ZNF678: variants seen among roughly 807,000 people sequenced by gnomAD.
The protein encoded by ZNF678 is zinc finger protein 678.
ZNF678 carries 5 observed loss-of-function variants against 3.0 expected under a neutral mutation model. That is an observed-to-expected ratio of 1.69 (90% CI 0.88 to 3.56). The LOEUF is 3.56. ZNF678 is among the 30% of genes most tolerant of loss of function. ZNF678 has a pLI of 0.00. For synonymous variants in ZNF678, 218 were observed against 199.6 expected (o/e 1.09, Z -0.78); for missense variants, 593 against 605.0 (o/e 0.98, Z 0.21).
chr1:227,563,786 G>A (rs902658548), intron 1 of ZNF678, 62 bp downstream of exon 1: 2 of 1,295,522 alleles, frequency 1.5e-6, no homozygotes, highest in Non-Finnish European at 2.0e-6. Flanking sequence ...CAGCACTAGA[G>A]TCCGCGGCCC....
At chr1:227,678,565 T>C (rs1041891527), downstream of ZNF678, among the ~76,000 whole-genome samples, 2 of 152,180 alleles carry the variant, frequency 1.3e-5, no homozygotes, top group Admixed American at 6.5e-5. Context: ...CAGCTCTCCA[T>C]ACACCCCGGG....
At chr1:227,617,906 T>G (rs1350561609) in intron 1 of ZNF678, among the ~76,000 whole-genome samples, 3 of 152,170 alleles carry the variant, frequency 2.0e-5, no homozygotes. Flanking sequence ...AGCGTCTCTC[T>G]CCAGCCACCC....
chr1:227,629,401 A>C (rs12119889), intron 1 of ZNF678, among the ~76,000 whole-genome samples: 33,539 of 152,230 alleles, frequency 0.22, 4,143 homozygotes, highest in African/African-American at 0.33. Context: ...TCTCCCTAAC[A>C]AAGGAGTGGG....
At chr1:227,609,744 T>C (rs1202976846) in intron 1 of ZNF678, among the ~76,000 whole-genome samples, 1 of 152,146 alleles carries the variant, frequency 6.6e-6, no homozygotes, top group South Asian at 2.1e-4. Context: ...TTTTTTTTTT[T>C]TCTCTTTGAG....
chr1:227,602,585 G>A (rs1657762646), intron 1 of ZNF678, among the ~76,000 whole-genome samples: 1 of 152,128 alleles, frequency 6.6e-6, no homozygotes, highest in Admixed American at 6.6e-5. Flanking sequence ...TGTGTAAATT[G>A]TTGAAATAAT....
At chr1:227,662,581 A>G (rs1172986657), downstream of ZNF678, 1 of 152,192 alleles carries the variant, frequency 6.6e-6, no homozygotes, top group Non-Finnish European at 1.5e-5. Context: ...TGACGCAGGG[A>G]AGAGAAACCC....
At chr1:227,581,756 A>AT (rs1410775221) in intron 1 of ZNF678, among the ~76,000 whole-genome samples, 1 of 152,218 alleles carries the variant, frequency 6.6e-6, no homozygotes, top group African/African-American at 2.4e-5. Flanking sequence ...AGGTAGTCAC[A>AT]TTGCTGTATG....
intron 1 of ZNF678, among the ~76,000 whole-genome samples, chr1:227,615,059 C>T (rs10799429): frequency 0.2 from 29,732 of 152,170 alleles, 3,078 homozygotes; most frequent in East Asian, 0.25. Context: ...AAAACAGAAA[C>T]GGAACTATAG....
intron 1 of ZNF678, among the ~76,000 whole-genome samples, chr1:227,591,758 C>T (rs1253612209): frequency 6.6e-6 from 1 of 152,092 alleles, no homozygotes; most frequent in African/African-American, 2.4e-5. Flanking sequence ...TTTAGAGTTC[C>T]AGTACACTTA....
chr1:227,641,242 A>G (rs943602736), intron 1 of ZNF678, among the ~76,000 whole-genome samples: 6 of 152,168 alleles, frequency 3.9e-5, no homozygotes, highest in African/African-American at 1.4e-4. Context: ...AGGTTCTTGT[A>G]TTGGTTCAAA....
In ZNF678 at chr1:227,654,313, CTTTTTA is replaced by C. The variant is rs1659158633; in HGVS notation, c.86-13_86-8del. On this transcript the variant is annotated splice_polypyrimidine_tract_variant and intron_variant, in intron 3 of 3. Transcript: ENST00000343776. ...TACTGGAGATTAGTAAGAAGAATAA[CTTTTTA>C]TTTTTATTTCTTTCAGCTATTTTAT... 2 of 1,479,792 alleles carry C rather than the reference CTTTTTA, an allele frequency of 1.4e-6. No homozygotes were observed. The highest frequency in any genetic ancestry group is 3.0e-5 in the South Asian group (2 of 65,908). 91.7% of individuals were successfully genotyped at this position (1,479,792 alleles called of 1,614,324 possible).
intron 1 of ZNF678, among the ~76,000 whole-genome samples, chr1:227,639,086 GCGGT>G (rs1423496040): frequency 6.6e-6 from 1 of 152,074 alleles, no homozygotes; most frequent in Non-Finnish European, 1.5e-5. Context: ...AGGGATGGGG[GCGGT>G]CCTTGCTGGG....
At chr1:227,609,220 C>G (rs1009701604) in intron 1 of ZNF678, among the ~76,000 whole-genome samples, 1 of 149,698 alleles carries the variant, frequency 6.7e-6, no homozygotes, top group African/African-American at 2.5e-5. Flanking sequence ...AATGCACAGT[C>G]AAAACATTAA....
intron 1 of ZNF678, among the ~76,000 whole-genome samples, chr1:227,579,625 T>C (rs1239410748): frequency 6.6e-6 from 1 of 152,100 alleles, no homozygotes; most frequent in African/African-American, 2.4e-5. Context: ...TGCATGGTCA[T>C]AGGGGTCATC....
intron 1 of ZNF678, among the ~76,000 whole-genome samples, chr1:227,635,662 C>T (rs1475541947): frequency 6.6e-6 from 1 of 151,974 alleles, no homozygotes; most frequent in Non-Finnish European, 1.5e-5. Flanking sequence ...TTTATGGTCT[C>T]CTGCAAGCTG....
Position 227,660,091 on chromosome 1 carries a change from A to C in ZNF678, c.*4263A>C, listed in dbSNP as rs1183848735. The C allele has an allele frequency of 6.6e-6, 1 of 152,036 alleles. No individual in the cohort carries two copies. Among genetic ancestry groups the C allele is most frequent in the Non-Finnish European group, 1.5e-5 (1 of 68,000 alleles). 9.4% of individuals were successfully genotyped at this position (152,036 alleles called of 1,614,324 possible). On this transcript the variant is annotated 3_prime_UTR_variant, in exon 4 of 4. Coordinates refer to ENST00000343776, the MANE Select transcript of ZNF678 (RefSeq NM_001367909.1). The stretch of plus-strand genomic sequence containing the variant: ...CTTGTTTAGATTCCACGTGAGTGAG[A>C]CCATGAGGTATTCATCTTTCTGTGT...
At chr1:227,592,694 T>A (rs1232375963) in intron 1 of ZNF678, among the ~76,000 whole-genome samples, 1 of 152,370 alleles carries the variant, frequency 6.6e-6, no homozygotes, top group South Asian at 2.1e-4. Context: ...TGATCTGGTA[T>A]TCCTTGCGGG....
chr1:227,634,300 G>T (rs923246966), intron 1 of ZNF678, among the ~76,000 whole-genome samples: 11 of 152,144 alleles, frequency 7.2e-5, no homozygotes, highest in African/African-American at 2.4e-4. Flanking sequence ...ACATTCCCAG[G>T]TGTGGTGGCT....
At chr1:227,588,186 T>C (rs1657312758) in intron 1 of ZNF678, among the ~76,000 whole-genome samples, 2 of 152,244 alleles carry the variant, frequency 1.3e-5, no homozygotes, top group African/African-American at 4.8e-5. Flanking sequence ...GGCTGCATAG[T>C]ATTCCATGGT....
Sources: allele counts gnomAD v4.1 joint callset (sites outside exome capture counted in the v4.1 genomes callset), GRCh38; gene constraint gnomAD v4.1.1; transcripts MANE v1.5; gene names NCBI Gene and HGNC (gene_info 2026-07-23, HGNC 2026-07-21).